Variants in AKAP13 observed in about 807,000 individuals in gnomAD.
AKAP13 encodes the protein A-kinase anchor protein 13.
AKAP13 carries 80 observed loss-of-function variants against 264.5 expected under a neutral mutation model. The ratio of observed to expected loss-of-function variants is 0.30; its 90% CI spans 0.25 to 0.36. AKAP13 has a LOEUF of 0.36. AKAP13 is among the 10% of genes least tolerant of loss of function. The pLI is 1.00. For synonymous variants in AKAP13, 1,380 were observed against 1,250.2 expected (o/e 1.10, Z -2.19); for missense variants, 3,712 against 3,435.2 (o/e 1.08, Z -2.01).
At chr15:85,740,950 A>C in intron 34 of AKAP13, 96 bp from the exon 35 acceptor site, 1 of 1,507,598 alleles carries the variant, frequency 6.6e-7, no homozygotes, top group Non-Finnish European at 8.9e-7. Flanking sequence ...AGTCCGTCAT[A>C]GTGCCTGGTG....
At chr15:85,445,851 A>T (rs1278945334) in intron 1 of AKAP13, among the ~76,000 whole-genome samples, 2 of 152,158 alleles carry the variant, frequency 1.3e-5, no homozygotes, top group Non-Finnish European at 2.9e-5. Context: ...CTATGGATAC[A>T]TAATTGTACA....
chr15:85,558,955 C>CT (rs1159438181), intron 5 of AKAP13, among the ~76,000 whole-genome samples: 1 of 151,984 alleles, frequency 6.6e-6, no homozygotes, highest in African/African-American at 2.4e-5. Context: ...CTCCTCCTCC[C>CT]TCCCTTTGCC....
chr15:85,578,968 A>G lies in AKAP13; in HGVS notation c.900A>G (p.Leu300=), dbSNP rs2079106463. ...AGCAGATGGACAGTCTTATGCCCTT[A>G]ATGATGACAGCACAGGATCCTTCCA... ...NLKQMDSLMP[L]MMTAQDPSSA... The change falls in exon 7 of 37, where the codon TTA becomes TTG. Residue 300 remains leucine, a synonymous_variant. Coordinates refer to ENST00000394518, the MANE Select transcript of AKAP13 (RefSeq NM_007200.5). The G allele has an allele frequency of 6.2e-7, 1 of 1,614,020 alleles. No homozygotes were observed. The highest frequency in any genetic ancestry group is 8.5e-7 in the Non-Finnish European group (1 of 1,180,026).
chr15:85,448,868 A>T (rs982661278), intron 1 of AKAP13, among the ~76,000 whole-genome samples: 1 of 146,430 alleles, frequency 6.8e-6, no homozygotes, highest in African/African-American at 2.6e-5. Context: ...TTTTTTCTGA[A>T]AAGAAAAAAG....
At chr15:85,712,477 T>C (rs1597144896) in intron 19 of AKAP13, among the ~76,000 whole-genome samples, 2 of 152,284 alleles carry the variant, frequency 1.3e-5, no homozygotes, top group Admixed American at 1.3e-4. Flanking sequence ...TATTTTCATG[T>C]CTTTCTTAAA....
chr15:85,602,510 G>C (rs1196668191), intron 8 of AKAP13, among the ~76,000 whole-genome samples: 1 of 143,970 alleles, frequency 6.9e-6, no homozygotes, highest in South Asian at 2.3e-4. Context: ...TTTTTGAAAC[G>C]GAGTCTTGCT....
At chr15:85,697,043 A>G (rs2085602131) in intron 17 of AKAP13, among the ~76,000 whole-genome samples, 1 of 152,200 alleles carries the variant, frequency 6.6e-6, no homozygotes, top group Admixed American at 6.5e-5. Context: ...AACTTTCACA[A>G]GAGGTTACAT....
At chr15:85,692,466 T>C (rs2151637036) in intron 16 of AKAP13, among the ~76,000 whole-genome samples, 1 of 152,062 alleles carries the variant, frequency 6.6e-6, no homozygotes, top group South Asian at 2.1e-4. Flanking sequence ...GGTCACGCTA[T>C]TACTGAGTAG....
chr15:85,560,852 A>G (rs953367683), intron 5 of AKAP13, among the ~76,000 whole-genome samples: 2 of 152,074 alleles, frequency 1.3e-5, no homozygotes, highest in Non-Finnish European at 2.9e-5. Flanking sequence ...TGCAACTCCC[A>G]TATTCATTGC....
At chr15:85,577,827 A>T in intron 6 of AKAP13, 1 of 985,378 alleles carries the variant, frequency 1.0e-6, no homozygotes, top group Non-Finnish European at 1.2e-6. Context: ...TGGTTAAGTT[A>T]GATTGGTTGG....
At chr15:85,411,397 A>G (rs964693617) in intron 1 of AKAP13, among the ~76,000 whole-genome samples, 1 of 152,172 alleles carries the variant, frequency 6.6e-6, no homozygotes, top group African/African-American at 2.4e-5. Context: ...TATTGTGGTT[A>G]TCTTGAGGTA....
intron 8 of AKAP13, among the ~76,000 whole-genome samples, chr15:85,609,258 C>T (rs969966074): frequency 6.6e-6 from 1 of 152,152 alleles, no homozygotes; most frequent in African/African-American, 2.4e-5. Flanking sequence ...CAACCTCTCC[C>T]CATTCTCTTC....
intron 8 of AKAP13, among the ~76,000 whole-genome samples, chr15:85,612,708 C>G (rs2080706120): frequency 6.6e-6 from 1 of 151,650 alleles, no homozygotes; most frequent in African/African-American, 2.4e-5. Context: ...CTATAATCCC[C>G]AGATACTCAG....
chr15:85,415,729 T>C (rs2072211565), intron 1 of AKAP13: 1 of 670,148 alleles, frequency 1.5e-6, no homozygotes. Flanking sequence ...TTTTTTTTTT[T>C]TCATTACTGT....
chr15:85,394,501 A>G (rs2071020840), intron 1 of AKAP13, among the ~76,000 whole-genome samples: 1 of 152,216 alleles, frequency 6.6e-6, no homozygotes, highest in Admixed American at 6.5e-5. Context: ...TGAATGGAGC[A>G]TGCATGTTAA....
chr15:85,563,415 A>G (rs979011157), intron 5 of AKAP13, among the ~76,000 whole-genome samples: 2 of 145,038 alleles, frequency 1.4e-5, no homozygotes, highest in African/African-American at 5.1e-5. Flanking sequence ...AGTCTCTTCA[A>G]CGCTCACTAT....
intron 5 of AKAP13, among the ~76,000 whole-genome samples, chr15:85,560,375 A>T (rs2078327340): frequency 6.6e-6 from 1 of 152,034 alleles, no homozygotes; most frequent in Admixed American, 6.6e-5. Context: ...TTGAACTCTT[A>T]GCCTCAAGCA....
At chr15:85,500,267 T>G (rs1016605222) in intron 2 of AKAP13, among the ~76,000 whole-genome samples, 1 of 152,202 alleles carries the variant, frequency 6.6e-6, no homozygotes, top group Admixed American at 6.5e-5. Context: ...TTTCAACCAC[T>G]GTAGCCTAGT....
At position 85,727,239 on chromosome 15, in the gene AKAP13, C is replaced by T; in HGVS notation, c.6996C>T (p.Ile2332=). The change falls in exon 28 of 37, where the codon ATC becomes ATT. Residue 2332 remains isoleucine, a synonymous_variant. Coordinates refer to ENST00000394518, the MANE Select transcript of AKAP13 (RefSeq NM_007200.5). This position sits in a 1 kb window ranked among gnomAD's most constrained non-coding sequence, Gnocchi z 5.3. ...NSWIQIIQDT[I]NTLNRDEDEG... ...GGATTCAGATCATTCAGGACACAAT[C>T]AACACCCTGTAAGTTAACCACCAGG... 1 of 1,614,184 alleles carries T rather than the reference C, an allele frequency of 6.2e-7. No individual in the cohort carries two copies. Among genetic ancestry groups the T allele is most frequent in the Non-Finnish European group, 8.5e-7 (1 of 1,180,016 alleles).
Sources: allele counts gnomAD v4.1 joint callset (sites outside exome capture counted in the v4.1 genomes callset), GRCh38; gene constraint gnomAD v4.1.1; non-coding constraint Gnocchi (gnomAD v3.1); transcripts MANE v1.5; gene names NCBI Gene and HGNC (gene_info 2026-07-23, HGNC 2026-07-21).